Variants in LYRM4 observed in about 807,000 individuals in gnomAD.
LYRM4 encodes LYR motif containing 4.
LYRM4 carries 9 observed loss-of-function variants against 11.7 expected under a neutral mutation model. The observed-to-expected ratio is 0.77, with a 90% CI of 0.46 to 1.34. LYRM4 has a LOEUF of 1.34. Among genes scored for constraint, LYRM4 ranks in the 40% most tolerant of loss-of-function variants. The pLI, the probability that LYRM4 is intolerant of heterozygous loss-of-function variation, is 0.00. For missense variants in LYRM4, 133 were observed against 112.5 expected, an observed-to-expected ratio of 1.18 and a Z score of -0.82; for synonymous variants, 42 against 40.4, an observed-to-expected ratio of 1.04 and a Z score of -0.15.
At position 5,182,778 on chromosome 6, in the gene LYRM4, C is replaced by T. The variant is rs62385014; in HGVS notation, c.207+33840G>A. Among the ~76,000 whole-genome samples, 3 of 152,148 alleles carry T rather than the reference C, an allele frequency of 2.0e-5. No homozygotes were observed. In the South Asian group the frequency reaches 6.2e-4, roughly 32 times the overall value. On this transcript the variant is annotated intron_variant, in intron 2 of 2. Transcript: ENST00000330636. The stretch of plus-strand genomic sequence containing the variant: ...AGTAATCAGTGTGGCCTGTATAACA[C>T]CTGAATTACTAGTTAAATCTAATTT...
At chr6:5,081,632 A>G in the LYRM4 span, among the ~76,000 whole-genome samples, 1 of 152,212 alleles carries the variant, frequency 6.6e-6, no homozygotes, top group Admixed American at 6.5e-5. Context: ...ATAAAAATAG[A>G]CATTTGGTCT....
chr6:5,059,581 A>G, the LYRM4 span, among the ~76,000 whole-genome samples: 1 of 152,150 alleles, frequency 6.6e-6, no homozygotes, highest in Non-Finnish European at 1.5e-5. Flanking sequence ...ACACCTGGAC[A>G]TGCCTGCTCT....
At chr6:5,148,976 T>C (rs1411449155) in intron 2 of LYRM4, among the ~76,000 whole-genome samples, 1 of 152,230 alleles carries the variant, frequency 6.6e-6, no homozygotes, top group African/African-American at 2.4e-5. Flanking sequence ...GACATGATGC[T>C]TGCTTGATAT....
intron 2 of LYRM4, chr6:5,136,672 C>G: frequency 1.0e-6 from 1 of 985,404 alleles, no homozygotes; most frequent in Non-Finnish European, 1.2e-6. Context: ...GTGGCATTTA[C>G]AAATGAGTCC....
chr6:5,230,422 CTT>C (rs1763168978), intron 1 of LYRM4, among the ~76,000 whole-genome samples: 1 of 152,126 alleles, frequency 6.6e-6, no homozygotes, highest in Non-Finnish European at 1.5e-5. Flanking sequence ...TTTCTGGCTT[CTT>C]TTTTCCCCCC....
intron 1 of LYRM4, among the ~76,000 whole-genome samples, chr6:5,244,955 C>T (rs1358735981): frequency 6.6e-6 from 1 of 150,598 alleles, no homozygotes; most frequent in Non-Finnish European, 1.5e-5. Flanking sequence ...GAGGCTCATC[C>T]CCTGCTAATT....
At chr6:5,246,650 G>A (rs1417021361) in intron 1 of LYRM4, among the ~76,000 whole-genome samples, 2 of 152,196 alleles carry the variant, frequency 1.3e-5, no homozygotes, top group African/African-American at 2.4e-5. Flanking sequence ...GGGTGAAGTG[G>A]AGGGAGTGGG....
chr6:5,141,587 A>G (rs1235822482), intron 2 of LYRM4, among the ~76,000 whole-genome samples: 1 of 152,200 alleles, frequency 6.6e-6, no homozygotes, highest in Non-Finnish European at 1.5e-5. Context: ...GACAGCTGGA[A>G]AAAGTTTAAC....
intron 2 of LYRM4, among the ~76,000 whole-genome samples, chr6:5,195,077 A>C (rs886624878): frequency 3.3e-5 from 5 of 152,232 alleles, no homozygotes; most frequent in African/African-American, 1.2e-4. Context: ...TGTACCACTA[A>C]ATTGTGCTTA....
At chr6:5,245,533 G>A (rs1055339004) in intron 1 of LYRM4, among the ~76,000 whole-genome samples, 14 of 152,242 alleles carry the variant, frequency 9.2e-5, no homozygotes, top group Admixed American at 8.5e-4. Flanking sequence ...TTTGCATACG[G>A]TGTCTGGAAG....
chr6:5,095,666 T>A, the LYRM4 span, among the ~76,000 whole-genome samples: 1 of 152,160 alleles, frequency 6.6e-6, no homozygotes, highest in Non-Finnish European at 1.5e-5. Context: ...TTAACAAACC[T>A]CACTGCTGAG....
chr6:5,211,207 CT>C (rs1761971151), intron 2 of LYRM4, among the ~76,000 whole-genome samples: 1 of 152,118 alleles, frequency 6.6e-6, no homozygotes, highest in African/African-American at 2.4e-5. Context: ...TAAGATATCA[CT>C]TTCATTAAAG....
the LYRM4 span, among the ~76,000 whole-genome samples, chr6:5,040,582 A>T: frequency 1.3e-5 from 2 of 152,014 alleles, no homozygotes; most frequent in Non-Finnish European, 2.9e-5. Flanking sequence ...TCCATAAATG[A>T]GTTGAGTGAC....
intron 2 of LYRM4, among the ~76,000 whole-genome samples, chr6:5,172,013 G>A (rs1759458098): frequency 6.6e-6 from 1 of 152,152 alleles, no homozygotes; most frequent in Non-Finnish European, 1.5e-5. Context: ...GGACAGGACT[G>A]CAGTCTTTAT....
At chr6:5,213,196 C>G (rs1361832234) in intron 2 of LYRM4, among the ~76,000 whole-genome samples, 2 of 152,232 alleles carry the variant, frequency 1.3e-5, no homozygotes, top group Non-Finnish European at 2.9e-5. Flanking sequence ...CCTGAGCTCA[C>G]GCCTGGCCAT....
At chr6:5,043,683 C>T in the LYRM4 span, among the ~76,000 whole-genome samples, 1 of 152,132 alleles carries the variant, frequency 6.6e-6, no homozygotes, top group Non-Finnish European at 1.5e-5. Flanking sequence ...CTCTGTGCCA[C>T]CCCCCATTCC....
chr6:5,256,297 C>G (rs1003581152), intron 1 of LYRM4, among the ~76,000 whole-genome samples: 1 of 151,498 alleles, frequency 6.6e-6, no homozygotes, highest in Non-Finnish European at 1.5e-5. Flanking sequence ...CAAGATCAGC[C>G]TGGCCAATAT....
intron 2 of LYRM4, among the ~76,000 whole-genome samples, chr6:5,176,875 C>T (rs1759750590): frequency 6.6e-6 from 1 of 152,194 alleles, no homozygotes; most frequent in Non-Finnish European, 1.5e-5. Flanking sequence ...TCTGAAAGCT[C>T]CTGTACATTT....
intron 2 of LYRM4, among the ~76,000 whole-genome samples, chr6:5,123,943 T>C (rs576709192): frequency 6.6e-6 from 1 of 152,292 alleles, no homozygotes; most frequent in African/African-American, 2.4e-5. Flanking sequence ...ATGACGTGGA[T>C]GGGAGCCTCA....
Sources: allele counts gnomAD v4.1 joint callset (sites outside exome capture counted in the v4.1 genomes callset), GRCh38; gene constraint gnomAD v4.1.1; transcripts MANE v1.5; gene names NCBI Gene and HGNC (gene_info 2026-07-23, HGNC 2026-07-21).